The following SDK1 variants were observed in gnomAD, a reference collection of about 807,000 sequenced individuals.
SDK1 encodes sidekick cell adhesion molecule 1, also known as protein sidekick-1.
A neutral mutation model predicts 245.5 loss-of-function variants in SDK1; 157 were observed. That is an observed-to-expected ratio of 0.64 (90% CI 0.56 to 0.73). The LOEUF (loss-of-function observed/expected upper bound fraction) is 0.73, where lower values mean the gene tolerates loss of function less well. SDK1 is among the 30% of genes least tolerant of loss of function. The pLI, the probability that SDK1 is intolerant of heterozygous loss-of-function variation, is 0.00. For synonymous variants in SDK1, 1,647 were observed against 1,278.5 expected, an observed-to-expected ratio of 1.29 and a Z score of -6.15; for missense variants, 3,583 against 3,002.3, an observed-to-expected ratio of 1.19 and a Z score of -4.52.
At chr7:3,441,973 CG>C (rs1780208123) in intron 1 of SDK1, among the ~76,000 whole-genome samples, 1 of 152,120 alleles carries the variant, frequency 6.6e-6, no homozygotes, top group African/African-American at 2.4e-5. Context: ...GGTATGAATA[CG>C]GGATGCCTTA....
At chr7:4,001,218 C>T (rs1019103799) in intron 14 of SDK1, among the ~76,000 whole-genome samples, 8 of 152,240 alleles carry the variant, frequency 5.3e-5, no homozygotes, top group African/African-American at 1.4e-4. Context: ...GCCCCTGCTC[C>T]ACCCACTGCC....
chr7:3,987,603 C>T (rs144303781), intron 14 of SDK1, among the ~76,000 whole-genome samples: 1 of 152,168 alleles, frequency 6.6e-6, no homozygotes, highest in Admixed American at 6.5e-5. Flanking sequence ...CGCACAGTGT[C>T]ACTCCCAGGG....
In SDK1 at chr7:4,027,700, G is replaced by T. The variant is rs1787465685; in HGVS notation, c.2602+10348G>T. ...ATAGTAATAATCTTTTCTCAGGGGT[G>T]TTGCAAATAAGCTTTATATTAATTT... On this transcript the variant is annotated intron_variant, in intron 17 of 44. Coordinates refer to ENST00000404826, the MANE Select transcript of SDK1 (RefSeq NM_152744.4). 2.6e-5 allele frequency among the ~76,000 whole-genome samples: 4 copies of T among 152,144 alleles called. No homozygotes were observed. The South Asian group carries it at 8.3e-4, about 32-fold the overall frequency.
intron 1 of SDK1, among the ~76,000 whole-genome samples, chr7:3,414,738 C>T (rs1779313899): frequency 6.6e-6 from 1 of 152,186 alleles, no homozygotes; most frequent in South Asian, 2.1e-4. Flanking sequence ...ACTAGCAATT[C>T]CTCCTACTCC....
chr7:3,807,352 T>G (rs974373841), intron 4 of SDK1, among the ~76,000 whole-genome samples: 7 of 152,120 alleles, frequency 4.6e-5, no homozygotes, highest in African/African-American at 1.7e-4. Context: ...ACTCGGGTGG[T>G]GTGGGGGCTC....
intron 4 of SDK1, among the ~76,000 whole-genome samples, chr7:3,676,349 G>T (rs1228812986): frequency 7.4e-6 from 1 of 134,798 alleles, no homozygotes; most frequent in Admixed American, 7.9e-5. Flanking sequence ...TTTTTGAGAC[G>T]GAGTCTTGCT....
chr7:4,167,987 G>A lies in SDK1; in HGVS notation c.4800+6131G>A, dbSNP rs78034173. 5.2e-3 allele frequency among the ~76,000 whole-genome samples: 790 copies of A among 152,330 alleles called. 6 individuals are homozygous for A. The highest frequency in any genetic ancestry group is 0.018 in the African/African-American group (765 of 41,580). The stretch of plus-strand genomic sequence containing the variant: ...CCTGCTGATGCCTCCGAGCACCTCC[G>A]GAGTTGGAGAGCCTCTTTCACAGAT... On this transcript the variant is annotated intron_variant, in intron 32 of 44. Coordinates refer to ENST00000404826, the MANE Select transcript of SDK1 (RefSeq NM_152744.4).
intron 19 of SDK1, among the ~76,000 whole-genome samples, chr7:4,053,765 T>C (rs749947285): frequency 1.4e-4 from 21 of 152,214 alleles, no homozygotes; most frequent in South Asian, 2.1e-4. Context: ...CAACAATCAA[T>C]CCCTCCTCAC....
chr7:3,475,409 G>A (rs546856197), intron 1 of SDK1, among the ~76,000 whole-genome samples: 1 of 152,242 alleles, frequency 6.6e-6, no homozygotes, highest in South Asian at 2.1e-4. Context: ...TCGGGTGTGG[G>A]GCTCCTCCAG....
chr7:3,809,161 A>G lies in SDK1; in HGVS notation c.714-12289A>G, dbSNP rs1779323391. On this transcript the variant is annotated intron_variant, in intron 4 of 44. Transcript: ENST00000404826. ...AGCTTCTAATCATGGCAGAAGGCAA[A>G]GGGGGAGGAGGCGCGCTACATGGCG... Among the ~76,000 whole-genome samples the G allele has an allele frequency of 3.3e-5, 5 of 152,124 alleles. No homozygotes were observed. The South Asian group carries it at 1.0e-3, about 32-fold the overall frequency.
intron 1 of SDK1, among the ~76,000 whole-genome samples, chr7:3,307,707 A>G (rs6461983): frequency 0.57 from 86,748 of 151,930 alleles, 24,958 homozygotes; most frequent in African/African-American, 0.64. Context: ...ACATGGATAT[A>G]GTAAATGGAA....
At chr7:3,384,011 A>G (rs760681252) in intron 1 of SDK1, among the ~76,000 whole-genome samples, 19 of 152,158 alleles carry the variant, frequency 1.2e-4, no homozygotes, top group Non-Finnish European at 2.5e-4. Context: ...TTATAGAACT[A>G]CTGAGGTTTT....
intron 1 of SDK1, among the ~76,000 whole-genome samples, chr7:3,441,173 T>C (rs1780184995): frequency 6.6e-6 from 1 of 152,148 alleles, no homozygotes; most frequent in Non-Finnish European, 1.5e-5. Flanking sequence ...TTACAGTATG[T>C]TATAATTCTA....
chr7:3,655,043 A>ACTTT (rs1217666198), intron 4 of SDK1, among the ~76,000 whole-genome samples: 2 of 99,848 alleles, frequency 2.0e-5, no homozygotes, highest in African/African-American at 8.1e-5. Flanking sequence ...GTTGAATCAT[A>ACTTT]GCTTGCTTTT....
At chr7:3,744,845 A>G (rs1393649526) in intron 4 of SDK1, among the ~76,000 whole-genome samples, 1 of 152,128 alleles carries the variant, frequency 6.6e-6, no homozygotes, top group Non-Finnish European at 1.5e-5. Context: ...AACAAAAAGA[A>G]AAAGAAAAAC....
intron 35 of SDK1, among the ~76,000 whole-genome samples, chr7:4,200,066 G>T (rs925296637): frequency 1.3e-5 from 2 of 152,132 alleles, no homozygotes; most frequent in Non-Finnish European, 2.9e-5. Context: ...TTGCACTTCA[G>T]CCTCTGTGAC....
intron 4 of SDK1, among the ~76,000 whole-genome samples, chr7:3,674,509 T>C (rs1783827318): frequency 6.6e-6 from 1 of 152,048 alleles, no homozygotes; most frequent in Non-Finnish European, 1.5e-5. Flanking sequence ...GAAAGCACAA[T>C]GGAAGTGGTT....
At chr7:4,061,110 G>C (rs925279237) in intron 19 of SDK1, among the ~76,000 whole-genome samples, 17 of 152,168 alleles carry the variant, frequency 1.1e-4, no homozygotes, top group Non-Finnish European at 1.8e-4. Context: ...GCTTAGGATT[G>C]ACTTGGCAAT....
At chr7:3,874,217 C>G (rs1234841844) in intron 5 of SDK1, among the ~76,000 whole-genome samples, 4 of 152,180 alleles carry the variant, frequency 2.6e-5, no homozygotes, top group Admixed American at 6.5e-5. Flanking sequence ...CTAAGTTTCT[C>G]TAGTGGAATC....
Sources: gnomAD v4.1 joint callset for allele counts (sites outside exome capture counted in the v4.1 genomes callset) on GRCh38, gnomAD v4.1.1 for gene constraint, MANE v1.5 for transcripts, NCBI Gene and HGNC (gene_info 2026-07-23, HGNC 2026-07-21) for gene names.